SLC14A2: variants seen among roughly 807,000 people sequenced by gnomAD.
The protein encoded by SLC14A2 is urea transporter 2.
SLC14A2 carries 91 observed loss-of-function variants against 104.6 expected under a neutral mutation model. The ratio of observed to expected loss-of-function variants is 0.87; its 90% CI spans 0.73 to 1.04. The LOEUF is 1.04. Ranked by LOEUF, SLC14A2 falls within the 50% of genes least tolerant of loss-of-function variation. The probability of loss-of-function intolerance (pLI) is 0.00; values close to 1 mark genes in which losing one functional copy is unlikely to be tolerated. For missense variants in SLC14A2, 1,189 were observed against 1,156.0 expected (o/e 1.03, Z -0.41); for synonymous variants, 476 against 466.4 (o/e 1.02, Z -0.27).
intron 1 of SLC14A2, among the ~76,000 whole-genome samples, chr18:45,384,777 A>G (rs1225027412): frequency 1.2e-4 from 19 of 152,190 alleles, no homozygotes; most frequent in Admixed American, 1.2e-3. Flanking sequence ...CCAGGAGGGT[A>G]TGTGTATGTG....
intron 2 of SLC14A2, chr18:45,489,977 G>A (rs970339241): frequency 6.6e-6 from 1 of 152,170 alleles, no homozygotes; most frequent in Non-Finnish European, 1.5e-5. Flanking sequence ...GAGATTAGGG[G>A]ACTTGCACAA....
At chr18:45,571,459 G>A (rs1000396457) in intron 2 of SLC14A2, among the ~76,000 whole-genome samples, 13 of 152,200 alleles carry the variant, frequency 8.5e-5, no homozygotes, top group Admixed American at 2.0e-4. Flanking sequence ...ACAATGAGCC[G>A]GCTGGCCCTT....
intron 2 of SLC14A2, among the ~76,000 whole-genome samples, chr18:45,520,654 CAAG>C (rs1300612411): frequency 6.6e-6 from 1 of 152,068 alleles, no homozygotes; most frequent in Non-Finnish European, 1.5e-5. Context: ...GCCCATGAGA[CAAG>C]AAGCAACATG....
At chr18:45,371,072 ACC>A (rs931556398) in intron 1 of SLC14A2, among the ~76,000 whole-genome samples, 1 of 151,952 alleles carries the variant, frequency 6.6e-6, no homozygotes, top group Admixed American at 6.6e-5. Context: ...ACAAAGCAAC[ACC>A]CCCAAAGGTG....
At chr18:45,247,291 C>T (rs2084376074) in intron 1 of SLC14A2, among the ~76,000 whole-genome samples, 1 of 152,216 alleles carries the variant, frequency 6.6e-6, no homozygotes. Flanking sequence ...GATTTATACA[C>T]ATTTTCCATA....
chr18:45,643,036 C>A, intron 8 of SLC14A2, 96 bp from the exon 9 acceptor site: 2 of 1,033,568 alleles, frequency 1.9e-6, no homozygotes, highest in Non-Finnish European at 3.0e-6. Flanking sequence ...GAGGGTGGGG[C>A]TCCTGTTCTT....
chr18:45,510,424 C>T (rs72915306), intron 2 of SLC14A2, among the ~76,000 whole-genome samples: 13,668 of 152,218 alleles, frequency 0.09, 760 homozygotes, highest in Non-Finnish European at 0.12. Context: ...CTCTCCTATA[C>T]TCCCAGGCCC....
At chr18:45,412,234 A>G (rs1480975657) in intron 1 of SLC14A2, among the ~76,000 whole-genome samples, 2 of 152,184 alleles carry the variant, frequency 1.3e-5, no homozygotes. Flanking sequence ...TTACAAGGTC[A>G]TAGTATTGTG....
chr18:45,191,392 A>C, the SLC14A2 span, among the ~76,000 whole-genome samples: 1 of 152,206 alleles, frequency 6.6e-6, no homozygotes, highest in African/African-American at 2.4e-5. Context: ...TATGTCCTGA[A>C]CTGTCAGTTC....
chr18:45,187,521 A>G, the SLC14A2 span, among the ~76,000 whole-genome samples: 1 of 152,186 alleles, frequency 6.6e-6, no homozygotes, highest in African/African-American at 2.4e-5. Context: ...TAGGATGTAT[A>G]ACTATCATTG....
At chr18:45,438,936 C>T (rs989246216) in intron 1 of SLC14A2, among the ~76,000 whole-genome samples, 1 of 152,116 alleles carries the variant, frequency 6.6e-6, no homozygotes, top group African/African-American at 2.4e-5. Context: ...TCCAATGTTA[C>T]CTAGGGCCTA....
At chr18:45,542,050 T>G (rs867311464) in intron 2 of SLC14A2, among the ~76,000 whole-genome samples, 12,929 of 122,798 alleles carry the variant, frequency 0.11, 958 homozygotes, top group Non-Finnish European at 0.12. Context: ...TTTTTTTTTT[T>G]TTTTTTTTTT....
intron 1 of SLC14A2, among the ~76,000 whole-genome samples, chr18:45,422,068 G>T (rs1441029255): frequency 6.6e-6 from 1 of 152,224 alleles, no homozygotes; most frequent in Non-Finnish European, 1.5e-5. Flanking sequence ...CTGAAAATGT[G>T]ATCTCTCAGA....
At chr18:45,410,016 G>A (rs924470000) in intron 1 of SLC14A2, among the ~76,000 whole-genome samples, 2 of 152,152 alleles carry the variant, frequency 1.3e-5, no homozygotes, top group Admixed American at 6.5e-5. Context: ...GGCAGCGGGT[G>A]GTGATGGGAG....
intron 1 of SLC14A2, among the ~76,000 whole-genome samples, chr18:45,323,003 C>T (rs1014393560): frequency 7.2e-5 from 11 of 152,156 alleles, no homozygotes; most frequent in African/African-American, 1.4e-4. Flanking sequence ...ATATTCTTTT[C>T]GTCCTGTTTG....
intron 1 of SLC14A2, among the ~76,000 whole-genome samples, chr18:45,354,095 A>G (rs2085528395): frequency 6.6e-6 from 1 of 152,190 alleles, no homozygotes; most frequent in Non-Finnish European, 1.5e-5. Context: ...TAGAGTTGAC[A>G]TAAGTTATAG....
intron 1 of SLC14A2, among the ~76,000 whole-genome samples, chr18:45,322,017 T>G (rs1259731550): frequency 6.6e-6 from 1 of 152,140 alleles, no homozygotes; most frequent in Admixed American, 6.5e-5. Flanking sequence ...TAAAGAGGAT[T>G]ACTCTGATCT....
chr18:45,217,169 A>C (rs2084018149), intron 1 of SLC14A2, among the ~76,000 whole-genome samples: 1 of 151,128 alleles, frequency 6.6e-6, no homozygotes, highest in Non-Finnish European at 1.5e-5. Flanking sequence ...AGATTTCTCT[A>C]ACCAAATATG....
intron 1 of SLC14A2, among the ~76,000 whole-genome samples, chr18:45,331,547 C>T (rs966565685): frequency 6.6e-5 from 10 of 151,932 alleles, no homozygotes; most frequent in Non-Finnish European, 8.8e-5. Flanking sequence ...AAAAATTAGC[C>T]GGGCGTGGTG....
Sources: gnomAD v4.1 joint callset for allele counts (sites outside exome capture counted in the v4.1 genomes callset) on GRCh38, gnomAD v4.1.1 for gene constraint, MANE v1.5 for transcripts, NCBI Gene and HGNC (gene_info 2026-07-23, HGNC 2026-07-21) for gene names.